The following ELF5 variants were observed in gnomAD, a reference collection of about 807,000 sequenced individuals.
The protein encoded by ELF5 is ETS-related transcription factor Elf-5.
Under a neutral mutation model 38.2 loss-of-function variants are expected in ELF5, and 31 were observed. The observed-to-expected ratio is 0.81, with a 90% CI of 0.61 to 1.10. The LOEUF is 1.10. Ranked by LOEUF, ELF5 falls within the 50% of genes least tolerant of loss-of-function variation. The pLI is 0.00. For synonymous variants in ELF5, 121 were observed against 112.5 expected (o/e 1.08, Z -0.48); for missense variants, 300 against 306.6 (o/e 0.98, Z 0.16).
chr11:34,509,678 C>T (rs981781750), intron 1 of ELF5, among the ~76,000 whole-genome samples: 1 of 152,028 alleles, frequency 6.6e-6, no homozygotes, highest in Non-Finnish European at 1.5e-5. Flanking sequence ...AAGGGAAGGG[C>T]CTCAGGAGCT....
At chr11:34,495,926 T>C (rs4756155) in intron 2 of ELF5, among the ~76,000 whole-genome samples, 20,643 of 152,246 alleles carry the variant, frequency 0.14, 1,527 homozygotes, top group Admixed American at 0.21. Context: ...ACTGGCGTCC[T>C]GTGAGAGATG....
chr11:34,513,405 C>T (rs895605684), intron 1 of ELF5, among the ~76,000 whole-genome samples: 9 of 152,254 alleles, frequency 5.9e-5, no homozygotes, highest in Non-Finnish European at 7.3e-5. Flanking sequence ...TGGGCGCGTT[C>T]TCTTAATTCC....
intron 1 of ELF5, chr11:34,511,475 G>C (rs1195327654): frequency 8.1e-6 from 13 of 1,605,410 alleles, no homozygotes; most frequent in Non-Finnish European, 1.0e-5. Context: ...AAAAGCTCAA[G>C]AATGATTAAC....
In ELF5 at chr11:34,479,774, C is replaced by G. The variant is rs1314323837; in HGVS notation, c.*444G>C. Reference sequence around the variant, plus strand: ...GTATGTATGTCTTATATCTCACCCTCTCCTACCATAACCTGCAAACTAATC... The same window carrying G: ...GTATGTATGTCTTATATCTCACCCTGTCCTACCATAACCTGCAAACTAATC... On this transcript the variant is annotated 3_prime_UTR_variant, in exon 7 of 7. Coordinates refer to ENST00000257832, the MANE Select transcript of ELF5 (RefSeq NM_001422.4). The G allele has an allele frequency of 6.4e-6, 1 of 157,398 alleles. No homozygotes were observed. Among genetic ancestry groups the G allele is most frequent in the African/African-American group, 2.4e-5 (1 of 41,520 alleles). 9.8% of individuals were successfully genotyped at this position (157,398 alleles called of 1,614,324 possible). A position where few individuals can be genotyped will look rare whatever the true frequency, so the allele number is the denominator to read the frequency against.
rs79198524 is a variant in ELF5, at chr11:34,483,117, C to T, written c.407-618G>A. On this transcript the variant is annotated intron_variant, in intron 4 of 6. Transcript: ENST00000257832. ...ACCCTGGCTTCAGGCTCTCCAGAAA[C>T]GTGCAGGCACATTCCACATCAGGGA... Among the ~76,000 whole-genome samples, 472 of 151,976 alleles carry T rather than the reference C, an allele frequency of 3.1e-3. 3 individuals carry two copies. The highest frequency in any genetic ancestry group is 0.011 in the African/African-American group (455 of 41,444).
chr11:34,495,368 TG>T (rs1393167560), intron 2 of ELF5, among the ~76,000 whole-genome samples: 1 of 152,202 alleles, frequency 6.6e-6, no homozygotes, highest in Non-Finnish European at 1.5e-5. Context: ...TGTCAGTTGC[TG>T]ATGATTCCAG....
intron 1 of ELF5, among the ~76,000 whole-genome samples, chr11:34,506,813 C>CA (rs1417529950): frequency 6.6e-6 from 1 of 150,828 alleles, no homozygotes; most frequent in Non-Finnish European, 1.5e-5. Context: ...AGAAACTGGC[C>CA]GAAAAAAATA....
At chr11:34,484,756 C>T (rs557485350) in intron 4 of ELF5, among the ~76,000 whole-genome samples, 5 of 152,244 alleles carry the variant, frequency 3.3e-5, no homozygotes. Flanking sequence ...GACCCCCATC[C>T]AGATCTCCAG....
intron 3 of ELF5, among the ~76,000 whole-genome samples, chr11:34,490,959 C>G (rs1005440878): frequency 3.9e-5 from 6 of 152,136 alleles, no homozygotes; most frequent in African/African-American, 1.4e-4. Flanking sequence ...GACCTTGCTT[C>G]CCAGCAACCA....
chr11:34,481,800 T>C (rs571909172), intron 5 of ELF5, among the ~76,000 whole-genome samples: 16 of 152,356 alleles, frequency 1.1e-4, no homozygotes, highest in Non-Finnish European at 1.3e-4. Context: ...CCATAAACTT[T>C]TAGGGTTGCT....
intron 4 of ELF5, among the ~76,000 whole-genome samples, chr11:34,487,525 T>A (rs1850032149): frequency 1.3e-5 from 2 of 152,140 alleles, no homozygotes; most frequent in African/African-American, 4.8e-5. Context: ...CCAAGAGATG[T>A]TAAAATGTAA....
At position 34,489,960 on chromosome 11, in the gene ELF5, C is replaced by T. The variant is rs377109616; in HGVS notation, c.406+49G>A. ...TAAAAGAATGGTCAAGCCCATGTACCAATGACAACCTTGACAGAGCCTTGG... is the reference window on the plus strand; with the variant it reads ...TAAAAGAATGGTCAAGCCCATGTACTAATGACAACCTTGACAGAGCCTTGG... On this transcript the variant is annotated intron_variant, in intron 4 of 6. Transcript: ENST00000257832. The T allele has an allele frequency of 4.4e-5, 71 of 1,601,732 alleles. No individual in the cohort carries two copies. The African/African-American group carries it at 9.0e-4, about 20-fold the overall frequency.
chr11:34,498,245 T>A (rs894399713), intron 2 of ELF5, among the ~76,000 whole-genome samples: 3 of 152,206 alleles, frequency 2.0e-5, no homozygotes, highest in African/African-American at 7.2e-5. Context: ...GGGCCAGGCA[T>A]ATGGCAAGTG....
Position 34,510,558 on chromosome 11 carries a change from C to A in ELF5, c.-5+3119G>T, listed in dbSNP as rs369279323. On this transcript the variant is annotated intron_variant, in intron 1 of 6. Transcript: ENST00000257832. The stretch of plus-strand genomic sequence containing the variant: ...GGTGTGAAAAGGCAGATGTCCAGAG[C>A]CCCCTTTCTCAGAAGTAACACTGAG... Among the ~76,000 whole-genome samples, 5 of 152,228 alleles carry A rather than the reference C, an allele frequency of 3.3e-5. No homozygotes were observed. In the South Asian group the frequency reaches 6.2e-4, roughly 19 times the overall value.
At chr11:34,509,212 C>T (rs144314370) in intron 1 of ELF5, among the ~76,000 whole-genome samples, 1,970 of 152,220 alleles carry the variant, frequency 0.013, 51 homozygotes, top group African/African-American at 0.046. Context: ...CACCTGTAAT[C>T]CCAGCTACTC....
At chr11:34,487,167 G>C (rs184971503) in intron 4 of ELF5, among the ~76,000 whole-genome samples, 27 of 152,188 alleles carry the variant, frequency 1.8e-4, no homozygotes, top group African/African-American at 6.5e-4. Flanking sequence ...CAGGGGTCTC[G>C]GGGGAAGGCC....
chr11:34,496,741 A>G (rs2133889658), intron 2 of ELF5, among the ~76,000 whole-genome samples: 1 of 152,266 alleles, frequency 6.6e-6, no homozygotes, highest in Non-Finnish European at 1.5e-5. Flanking sequence ...GGCCTACCTC[A>G]GTGAGTGTGA....
At chr11:34,511,055 C>T (rs544049274) in intron 1 of ELF5, among the ~76,000 whole-genome samples, 5 of 152,326 alleles carry the variant, frequency 3.3e-5, no homozygotes, top group Non-Finnish European at 7.4e-5. Flanking sequence ...ACAGATAAAA[C>T]AGCCCCCAAG....
intron 1 of ELF5, 47 bp from the exon 2 acceptor site, chr11:34,505,800 T>C: frequency 1.3e-6 from 2 of 1,597,734 alleles, no homozygotes; most frequent in Non-Finnish European, 1.7e-6. Context: ...GAGGTACTCC[T>C]GAAGCCACAC....
Sources: allele counts gnomAD v4.1 joint callset (sites outside exome capture counted in the v4.1 genomes callset), GRCh38; gene constraint gnomAD v4.1.1; transcripts MANE v1.5; gene names NCBI Gene and HGNC (gene_info 2026-07-23, HGNC 2026-07-21).